The following AFAP1L1 variants were observed in gnomAD, a reference collection of about 807,000 sequenced individuals.
AFAP1L1 encodes the protein actin filament-associated protein 1-like 1.
Under a neutral mutation model 99.8 loss-of-function variants are expected in AFAP1L1, and 77 were observed. The observed-to-expected ratio is 0.77, with a 90% confidence interval of 0.64 to 0.93. AFAP1L1 has a LOEUF of 0.93. AFAP1L1 is among the 40% of genes least tolerant of loss of function. AFAP1L1 has a pLI of 0.00. For synonymous variants in AFAP1L1, 373 were observed against 395.3 expected (o/e 0.94, Z 0.67); for missense variants, 893 against 996.8 (o/e 0.90, Z 1.40).
chr5:149,286,277 A>C (rs1755677876), intron 1 of AFAP1L1, among the ~76,000 whole-genome samples: 2 of 152,188 alleles, frequency 1.3e-5, no homozygotes, highest in Admixed American at 1.3e-4. Flanking sequence ...CAAATTTTGC[A>C]GATGTGGAAA....
intron 5 of AFAP1L1, among the ~76,000 whole-genome samples, chr5:149,305,937 T>C (rs352338): frequency 0.79 from 119,771 of 151,094 alleles, 47,398 homozygotes; most frequent in South Asian, 0.84. Flanking sequence ...ACACATGCAA[T>C]GCTCTGGGGT....
At chr5:149,338,822 A>G (rs1441739590) in intron 18 of AFAP1L1, among the ~76,000 whole-genome samples, 1 of 152,202 alleles carries the variant, frequency 6.6e-6, no homozygotes, top group South Asian at 2.1e-4. Context: ...TGAGGGAGAA[A>G]CCCATGCAGG....
chr5:149,302,269 G>C lies in AFAP1L1; in HGVS notation c.328-149G>C, dbSNP rs528045010. 406 of 526,956 alleles carry C rather than the reference G, an allele frequency of 7.7e-4. 3 individuals carry two copies. The highest frequency in any genetic ancestry group is 1.1e-3 in the Non-Finnish European group (350 of 305,186). The allele number at this position is 526,956 out of a possible 1,614,324, so 32.6% of individuals were successfully genotyped here. On this transcript the variant is annotated intron_variant, in intron 4 of 18. Coordinates refer to ENST00000296721, the MANE Select transcript of AFAP1L1 (RefSeq NM_152406.4). The stretch of plus-strand genomic sequence containing the variant: ...AGAATCACTGGATAAATATGCCCTC[G>C]AGTTTTACCAGCTCTGTGGCTCTAT...
intron 14 of AFAP1L1, among the ~76,000 whole-genome samples, chr5:149,321,649 A>G (rs1561681054): frequency 6.7e-6 from 1 of 148,698 alleles, no homozygotes; most frequent in Admixed American, 6.8e-5. Context: ...GGATCGCTTG[A>G]ACCAAGGAGG....
At chr5:149,332,950 C>T (rs1312978676) in intron 17 of AFAP1L1, 77 bp downstream of exon 17, 1 of 1,435,964 alleles carries the variant, frequency 7.0e-7, no homozygotes, top group Admixed American at 3.0e-5. Flanking sequence ...TCTTCATGAT[C>T]ATTCTTTGGA....
At chr5:149,328,685 T>G (rs1227634288) in intron 15 of AFAP1L1, among the ~76,000 whole-genome samples, 2 of 152,052 alleles carry the variant, frequency 1.3e-5, no homozygotes, top group East Asian at 3.9e-4. Flanking sequence ...GGCGGGCACC[T>G]GTAGTCCCAG....
At chr5:149,283,985 A>G (rs1755601576) in intron 1 of AFAP1L1, among the ~76,000 whole-genome samples, 1 of 152,252 alleles carries the variant, frequency 6.6e-6, no homozygotes, top group Non-Finnish European at 1.5e-5. Flanking sequence ...GTGAGGTCAT[A>G]TCTAGTCAGT....
At chr5:149,315,575 AAG>A in intron 9 of AFAP1L1, 1 of 470,040 alleles carries the variant, frequency 2.1e-6, no homozygotes, top group South Asian at 2.2e-5. Context: ...ATTCATTTCA[AAG>A]TGTTATAATT....
Position 149,326,864 on chromosome 5 carries a change from T to C in AFAP1L1, c.1811-2802T>C, listed in dbSNP as rs141949424. Among the ~76,000 whole-genome samples, 914 of 152,316 alleles carry C rather than the reference T, an allele frequency of 6.0e-3. 6 individuals carry two copies. The highest frequency in any genetic ancestry group is 0.021 in the African/African-American group (873 of 41,566). ...AGTGACTGTACACATGCCAAGGCTATGGCCTCTGAGGAGCAACATCAGTGG... is the reference window on the plus strand; with the variant it reads ...AGTGACTGTACACATGCCAAGGCTACGGCCTCTGAGGAGCAACATCAGTGG... On this transcript the variant is annotated intron_variant, in intron 15 of 18. Transcript: ENST00000296721.
chr5:149,306,531 C>A, intron 6 of AFAP1L1, 127 bp downstream of exon 6: 1 of 820,790 alleles, frequency 1.2e-6, no homozygotes, highest in Non-Finnish European at 1.9e-6. Context: ...ACTAGAGAGG[C>A]CCCAACACCC....
chr5:149,319,974 T>C (rs1419499898), intron 13 of AFAP1L1, among the ~76,000 whole-genome samples: 1 of 152,224 alleles, frequency 6.6e-6, no homozygotes, highest in Non-Finnish European at 1.5e-5. Flanking sequence ...CTTGGAGTAG[T>C]GGCCTGGGCT....
chr5:149,308,773 C>G (rs1164267931), intron 7 of AFAP1L1, among the ~76,000 whole-genome samples: 2 of 152,062 alleles, frequency 1.3e-5, no homozygotes, highest in Non-Finnish European at 2.9e-5. Context: ...AGCAGGCATC[C>G]TTGTCTCAGT....
At chr5:149,298,552 T>C (rs1022357107) in intron 1 of AFAP1L1, among the ~76,000 whole-genome samples, 10 of 152,160 alleles carry the variant, frequency 6.6e-5, no homozygotes, top group African/African-American at 2.4e-4. Flanking sequence ...CAATAAAATG[T>C]AAAAGGGCTG....
chr5:149,295,130 C>T lies in AFAP1L1; in HGVS notation c.17-4379C>T, dbSNP rs530784231. 1.8e-3 allele frequency among the ~76,000 whole-genome samples: 272 copies of T among 152,328 alleles called. 1 individual carries two copies. The highest frequency in any genetic ancestry group is 2.7e-3 in the Non-Finnish European group (186 of 68,034). On this transcript the variant is annotated intron_variant, in intron 1 of 18. Coordinates refer to ENST00000296721, the MANE Select transcript of AFAP1L1 (RefSeq NM_152406.4). The stretch of plus-strand genomic sequence containing the variant: ...CTCTGCCCCTGCTGCCTGCCAGATC[C>T]GTTCAGGTCGCAGAAACCCCACCAG...
intron 9 of AFAP1L1, among the ~76,000 whole-genome samples, chr5:149,315,323 C>T (rs1258743442): frequency 6.6e-6 from 1 of 152,148 alleles, no homozygotes; most frequent in Non-Finnish European, 1.5e-5. Flanking sequence ...AAAATGTCTG[C>T]CAGCTCATCT....
At chr5:149,291,309 A>T (rs1755845289) in intron 1 of AFAP1L1, among the ~76,000 whole-genome samples, 1 of 151,844 alleles carries the variant, frequency 6.6e-6, no homozygotes, top group South Asian at 2.1e-4. Context: ...TGGGCAGATC[A>T]TAAGGTCAAC....
intron 1 of AFAP1L1, among the ~76,000 whole-genome samples, chr5:149,285,939 C>T (rs1055390503): frequency 6.6e-6 from 1 of 152,170 alleles, no homozygotes; most frequent in Non-Finnish European, 1.5e-5. Flanking sequence ...GCTGTGTACC[C>T]ATTACTGTGC....
intron 1 of AFAP1L1, among the ~76,000 whole-genome samples, chr5:149,285,491 A>G (rs542126500): frequency 2.3e-4 from 35 of 152,252 alleles, no homozygotes; most frequent in Admixed American, 1.1e-3. Context: ...GGCTTGGTGA[A>G]ATGATGAAAC....
Position 149,320,361 on chromosome 5 carries a change from G to A in AFAP1L1, c.1626-30G>A. On this transcript the variant is annotated intron_variant, in intron 13 of 18. Transcript: ENST00000296721. This position sits in a 1 kb window ranked among gnomAD's most constrained non-coding sequence, Gnocchi z 4.0. The stretch of plus-strand genomic sequence containing the variant: ...TAAGCTGCAAAGCATCATTGTCATT[G>A]TCATTGTCATCGTACATTTTATTTT... The A allele has an allele frequency of 1.2e-6, 2 of 1,608,310 alleles. No homozygotes were observed. The highest frequency in any genetic ancestry group is 1.7e-6 in the Non-Finnish European group (2 of 1,175,006).
Sources: allele counts gnomAD v4.1 joint callset (sites outside exome capture counted in the v4.1 genomes callset), GRCh38; gene constraint gnomAD v4.1.1; non-coding constraint Gnocchi (gnomAD v3.1); transcripts MANE v1.5; gene names NCBI Gene and HGNC (gene_info 2026-07-23, HGNC 2026-07-21).